The following MARCHF1 variants were observed in gnomAD, a reference collection of about 807,000 sequenced individuals.
The protein encoded by MARCHF1 is membrane associated ring-CH-type finger 1.
MARCHF1 carries 40 observed loss-of-function variants against 54.2 expected under a neutral mutation model. That is an observed-to-expected ratio of 0.74 (90% CI 0.57 to 0.96). MARCHF1 has a LOEUF of 0.96. MARCHF1 is among the 40% of genes least tolerant of loss of function. MARCHF1 has a pLI of 0.00. For synonymous variants in MARCHF1, 236 were observed against 236.3 expected (o/e 1.00, Z 0.01); for missense variants, 586 against 656.5 (o/e 0.89, Z 1.17).
At chr4:163,995,063 T>G (rs1481728180) in intron 2 of MARCHF1, among the ~76,000 whole-genome samples, 2 of 152,042 alleles carry the variant, frequency 1.3e-5, no homozygotes, top group Admixed American at 6.6e-5. Flanking sequence ...GGAGATAGTA[T>G]CAGATCCCAC....
chr4:163,784,487 G>C (rs1482397777), intron 4 of MARCHF1, among the ~76,000 whole-genome samples: 1 of 152,114 alleles, frequency 6.6e-6, no homozygotes, highest in African/African-American at 2.4e-5. Context: ...ATGCCATGAG[G>C]AATCCTATGT....
chr4:164,157,338 A>C (rs1475971640), intron 1 of MARCHF1, among the ~76,000 whole-genome samples: 2 of 152,172 alleles, frequency 1.3e-5, no homozygotes, highest in African/African-American at 4.8e-5. Context: ...TTCTGAGCAT[A>C]ACATTATTCA....
chr4:164,186,123 C>T (rs1382171145), intron 1 of MARCHF1, among the ~76,000 whole-genome samples: 1 of 152,158 alleles, frequency 6.6e-6, no homozygotes, highest in Non-Finnish European at 1.5e-5. Context: ...GAACTTCTGA[C>T]ATCAGATGAT....
At chr4:164,300,092 T>C (rs980324072) in intron 1 of MARCHF1, among the ~76,000 whole-genome samples, 1 of 152,108 alleles carries the variant, frequency 6.6e-6, no homozygotes, top group African/African-American at 2.4e-5. Context: ...CTAAACCTTT[T>C]CTAGAACCAG....
At chr4:164,213,207 TTA>T (rs1731828338) in intron 1 of MARCHF1, among the ~76,000 whole-genome samples, 2 of 15,756 alleles carry the variant, frequency 1.3e-4, no homozygotes, top group Admixed American at 1.0e-3. Flanking sequence ...TTTACTTTTA[TTA>T]TTATTATTAT....
chr4:164,073,780 T>C (rs1411048868), intron 2 of MARCHF1, among the ~76,000 whole-genome samples: 1 of 148,140 alleles, frequency 6.8e-6, no homozygotes, highest in Non-Finnish European at 1.5e-5. Context: ...TTTTAGAAAG[T>C]TTTTTTTTTG....
At position 163,940,509 on chromosome 4, in the gene MARCHF1, C is replaced by CTG. The variant is rs896700892; in HGVS notation, c.-39+47990_-39+47991dup. ...ACTGTAATAGATTGTGTGTGTGTTT[C>CTG]TGTGTGTGTGTGTTTCATATGTGTT... On this transcript the variant is annotated intron_variant, in intron 3 of 9. Coordinates refer to ENST00000514618, the MANE Select transcript of MARCHF1 (RefSeq NM_001394959.1). Among the ~76,000 whole-genome samples, 20 of 151,646 alleles carry CTG rather than the reference C, an allele frequency of 1.3e-4. No individual in the cohort carries two copies. In the Middle Eastern group the frequency reaches 0.01, roughly 78 times the overall value.
At chr4:163,614,438 G>A (rs1741448814) in intron 5 of MARCHF1, among the ~76,000 whole-genome samples, 1 of 152,114 alleles carries the variant, frequency 6.6e-6, no homozygotes, top group Admixed American at 6.6e-5. Flanking sequence ...TATGGGTGGA[G>A]ATCTGGGTCC....
intron 8 of MARCHF1, among the ~76,000 whole-genome samples, chr4:163,577,152 G>T (rs1740067554): frequency 6.6e-6 from 1 of 151,774 alleles, no homozygotes; most frequent in African/African-American, 2.4e-5. Context: ...TGCTTTATAG[G>T]GTCTGTTTTG....
chr4:163,986,187 C>A (rs748124249), intron 3 of MARCHF1, among the ~76,000 whole-genome samples: 2 of 145,786 alleles, frequency 1.4e-5, no homozygotes, highest in Non-Finnish European at 3.0e-5. Context: ...AGAACTGTAT[C>A]TCTTTTTAGA....
At position 163,764,663 on chromosome 4, in the gene MARCHF1, G is replaced by T. The variant is rs552976467; in HGVS notation, c.112-63800C>A. On this transcript the variant is annotated intron_variant, in intron 4 of 9. Transcript: ENST00000514618. ...CAAGTTTCCTGGTAACGACTGCAGT[G>T]ACCATGTAAATGTATTAATAGAAAA... Among the ~76,000 whole-genome samples the T allele has an allele frequency of 3.7e-3, 558 of 152,124 alleles. 3 individuals carry two copies. The highest frequency in any genetic ancestry group is 0.013 in the African/African-American group (536 of 41,538).
At chr4:164,025,539 AT>A (rs1753747704) in intron 2 of MARCHF1, among the ~76,000 whole-genome samples, 1 of 152,124 alleles carries the variant, frequency 6.6e-6, no homozygotes. Context: ...AATTAATAAA[AT>A]TGGGGACACA....
In MARCHF1 at chr4:163,940,593, C is replaced by G. The variant is rs1029341202; in HGVS notation, c.-39+47908G>C. 3.3e-5 allele frequency among the ~76,000 whole-genome samples: 5 copies of G among 152,024 alleles called. No homozygotes were observed. In the South Asian group the frequency reaches 8.3e-4, roughly 25 times the overall value. On this transcript the variant is annotated intron_variant, in intron 3 of 9. Transcript: ENST00000514618. ...ATGGGAAATGCATCAGGTGTAACATCAAAAGCTCAAAAAGTACTCTGTTCA... is the reference window on the plus strand; with the variant it reads ...ATGGGAAATGCATCAGGTGTAACATGAAAAGCTCAAAAAGTACTCTGTTCA...
At chr4:164,228,539 T>G (rs774470341) in intron 1 of MARCHF1, among the ~76,000 whole-genome samples, 3 of 152,200 alleles carry the variant, frequency 2.0e-5, no homozygotes, top group Non-Finnish European at 4.4e-5. Flanking sequence ...GTCAAACGTA[T>G]AATGTTGAGA....
rs115662368 is a variant in MARCHF1 at position 164,022,857 on chromosome 4, G to A, written c.-247-34148C>T. ...CTAGCCACTCCTAGGGCCCCTGCCT[G>A]GCCACCCCACAGAAAGGGGTGCACA... On this transcript the variant is annotated intron_variant, in intron 2 of 9. Coordinates refer to ENST00000514618, the MANE Select transcript of MARCHF1 (RefSeq NM_001394959.1). Among the ~76,000 whole-genome samples, 698 of 152,280 alleles carry A rather than the reference G, an allele frequency of 4.6e-3. 5 individuals carry two copies. Among genetic ancestry groups the A allele is most frequent in the African/African-American group, 0.016 (663 of 41,552 alleles).
At chr4:164,203,182 TG>T (rs1428524264) in intron 1 of MARCHF1, among the ~76,000 whole-genome samples, 1 of 152,108 alleles carries the variant, frequency 6.6e-6, no homozygotes, top group African/African-American at 2.4e-5. Flanking sequence ...TTTTAAACAT[TG>T]GCAGACTCAA....
At chr4:164,345,596 TAA>T (rs1730069907) in intron 1 of MARCHF1, among the ~76,000 whole-genome samples, 2 of 149,042 alleles carry the variant, frequency 1.3e-5, no homozygotes, top group South Asian at 4.2e-4. Flanking sequence ...ATAATAATAA[TAA>T]TAATAATAAT....
intron 1 of MARCHF1, among the ~76,000 whole-genome samples, chr4:164,191,628 T>G (rs113584671): frequency 3.3e-5 from 5 of 152,314 alleles, no homozygotes; most frequent in African/African-American, 1.2e-4. Flanking sequence ...TACAGGGAAA[T>G]GTAATTTTGC....
chr4:163,637,962 A>G (rs1287242107), intron 5 of MARCHF1, among the ~76,000 whole-genome samples: 1 of 151,042 alleles, frequency 6.6e-6, no homozygotes, highest in Non-Finnish European at 1.5e-5. Flanking sequence ...TGAAATTGGA[A>G]ATCATCATTC....
Sources: gnomAD v4.1 joint callset for allele counts (sites outside exome capture counted in the v4.1 genomes callset) on GRCh38, gnomAD v4.1.1 for gene constraint, MANE v1.5 for transcripts, NCBI Gene and HGNC (gene_info 2026-07-23, HGNC 2026-07-21) for gene names.